The following GLIS3 variants were observed in gnomAD, a reference collection of about 807,000 sequenced individuals.
GLIS3 encodes GLIS family zinc finger 3.
In GLIS3, 53 loss-of-function variants were observed where a neutral mutation model predicts 78.6. The ratio of observed to expected loss-of-function variants is 0.67; its 90% CI spans 0.54 to 0.85. The LOEUF (loss-of-function observed/expected upper bound fraction) is 0.85. GLIS3 is among the 40% of genes least tolerant of loss of function. GLIS3 has a pLI of 0.00. For missense variants in GLIS3, 1,703 were observed against 1,231.1 expected (o/e 1.38, Z -5.74); for synonymous variants, 684 against 509.9 (o/e 1.34, Z -4.60).
intron 2 of GLIS3, among the ~76,000 whole-genome samples, chr9:4,183,007 A>T (rs1817468057): frequency 6.6e-6 from 1 of 152,204 alleles, no homozygotes; most frequent in South Asian, 2.1e-4. Context: ...TCTCAATCGC[A>T]GTGAAGGATG....
chr9:3,891,986 C>T (rs1822486486), intron 7 of GLIS3, among the ~76,000 whole-genome samples: 1 of 152,138 alleles, frequency 6.6e-6, no homozygotes, highest in African/African-American at 2.4e-5. Flanking sequence ...TGCAGCCACT[C>T]ACTCCTAGAA....
intron 2 of GLIS3, among the ~76,000 whole-genome samples, chr9:4,155,067 A>C (rs1266701440): frequency 1.3e-5 from 2 of 152,248 alleles, no homozygotes; most frequent in African/African-American, 2.4e-5. Context: ...TTGCTTACTA[A>C]AATATTAACA....
At chr9:4,123,116 TACAA>T (rs1159861160) in intron 3 of GLIS3, among the ~76,000 whole-genome samples, 1 of 151,730 alleles carries the variant, frequency 6.6e-6, no homozygotes, top group African/African-American at 2.4e-5. Flanking sequence ...AAAGAAAAAA[TACAA>T]ACAGCCAATA....
chr9:4,278,283 C>T lies in GLIS3; in HGVS notation c.388+7755G>A, dbSNP rs187926154. Among the ~76,000 whole-genome samples the T allele has an allele frequency of 1.1e-3, 168 of 152,268 alleles. 1 individual carries two copies. Among genetic ancestry groups the T allele is most frequent in the Non-Finnish European group, 2.0e-3 (136 of 68,026 alleles). On this transcript the variant is annotated intron_variant, in intron 2 of 10. Transcript: ENST00000381971. ...GACATCCCACAGTCAACAAGAACAC[C>T]CTTTCAGCCAGTTTTCCAGATATTC...
the GLIS3 span, among the ~76,000 whole-genome samples, chr9:4,449,811 AG>A: frequency 1.3e-5 from 2 of 152,228 alleles, no homozygotes; most frequent in African/African-American, 4.8e-5. Flanking sequence ...ATCAACAAAA[AG>A]GACATCCACA....
intron 4 of GLIS3, among the ~76,000 whole-genome samples, chr9:4,308,556 A>T (rs978784515): frequency 4.6e-5 from 7 of 152,050 alleles, no homozygotes; most frequent in African/African-American, 1.7e-4. Context: ...AGCCTTGAGG[A>T]TCCAGTCCTA....
intron 2 of GLIS3, among the ~76,000 whole-genome samples, chr9:4,244,300 G>A (rs1486913731): frequency 6.6e-6 from 1 of 152,172 alleles, no homozygotes; most frequent in Non-Finnish European, 1.5e-5. Flanking sequence ...TTTCTAATAT[G>A]TCAGTGTACT....
At chr9:4,450,083 G>A in the GLIS3 span, among the ~76,000 whole-genome samples, 31,634 of 151,986 alleles carry the variant, frequency 0.21, 3,434 homozygotes, top group Middle Eastern at 0.3. Flanking sequence ...CCATCACAAG[G>A]AAGCTAAAAA....
intron 2 of GLIS3, among the ~76,000 whole-genome samples, chr9:4,269,606 G>T (rs1826324459): frequency 6.6e-6 from 1 of 152,098 alleles, no homozygotes; most frequent in Non-Finnish European, 1.5e-5. Context: ...ATCATTATGT[G>T]TTCCAGTGTA....
chr9:4,205,411 C>G lies in GLIS3; in HGVS notation c.389-79470G>C, dbSNP rs535880046. Among the ~76,000 whole-genome samples the G allele has an allele frequency of 2.0e-5, 3 of 152,314 alleles. No individual in the cohort carries two copies. The East Asian group carries it at 5.8e-4, about 29-fold the overall frequency. On this transcript the variant is annotated intron_variant, in intron 2 of 10. Transcript: ENST00000381971. ...AGTTACGAATTGGTTCAGGGATAGG[C>G]AGGACCTGAAGCAGAGACAATGGGA... is the stretch of plus-strand genomic sequence containing the variant.
intron 4 of GLIS3, among the ~76,000 whole-genome samples, chr9:4,006,304 CAAAAA>C (rs71497513): frequency 1.8e-4 from 6 of 32,548 alleles, no homozygotes; most frequent in South Asian, 1.2e-3. Context: ...TCATATGTCT[CAAAAA>C]AAAAAAAAAA....
intron 4 of GLIS3, among the ~76,000 whole-genome samples, chr9:3,963,833 G>A (rs1346474928): frequency 1.3e-5 from 2 of 151,632 alleles, no homozygotes; most frequent in African/African-American, 4.9e-5. Context: ...TAAGCCCTTC[G>A]GAGACAGTGC....
At chr9:3,912,580 A>AT (rs2130689580) in intron 6 of GLIS3, among the ~76,000 whole-genome samples, 1 of 152,296 alleles carries the variant, frequency 6.6e-6, no homozygotes, top group Non-Finnish European at 1.5e-5. Context: ...GCAACTTGTA[A>AT]TTTTTGTATT....
At chr9:3,853,078 G>A (rs1432329939) in intron 9 of GLIS3, among the ~76,000 whole-genome samples, 2 of 152,080 alleles carry the variant, frequency 1.3e-5, no homozygotes, top group Non-Finnish European at 2.9e-5. Flanking sequence ...CAGGTGTGGT[G>A]GTGTGTGCCT....
At chr9:4,228,287 C>A (rs949566617) in intron 2 of GLIS3, among the ~76,000 whole-genome samples, 1 of 150,642 alleles carries the variant, frequency 6.6e-6, no homozygotes, top group Non-Finnish European at 1.5e-5. Context: ...TAAATGCTGA[C>A]GGGACCTCTA....
intron 2 of GLIS3, among the ~76,000 whole-genome samples, chr9:4,161,092 A>AAG (rs1554719882): frequency 4.0e-5 from 6 of 150,646 alleles, no homozygotes; most frequent in Non-Finnish European, 8.9e-5. Context: ...AAAAAAAAAA[A>AAG]AAAGAAAGAA....
In GLIS3 at chr9:4,088,919, T is replaced by C. The variant is rs149232029; in HGVS notation, c.1710+28849A>G. 3.6e-4 allele frequency among the ~76,000 whole-genome samples: 55 copies of C among 152,356 alleles called. 2 individuals carry two copies. Among genetic ancestry groups the C allele is most frequent in the Admixed American group, 3.2e-3 (49 of 15,302 alleles). ...AGGGCTTCACCCCAAAAGGCCTGTC[T>C]TCATTCCTCGAGAAAAAAATGGAAT... On this transcript the variant is annotated intron_variant, in intron 4 of 10. Coordinates refer to ENST00000381971, the MANE Select transcript of GLIS3 (RefSeq NM_001042413.2).
the GLIS3 span, among the ~76,000 whole-genome samples, chr9:4,353,834 C>T: frequency 9.9e-5 from 15 of 152,206 alleles, no homozygotes; most frequent in African/African-American, 3.1e-4. Context: ...TTGTTTCCCA[C>T]AGTCTCCTCT....
chr9:4,069,116 T>C (rs1296778802), intron 4 of GLIS3, among the ~76,000 whole-genome samples: 3 of 152,148 alleles, frequency 2.0e-5, no homozygotes, highest in South Asian at 4.1e-4. Context: ...TTGAGGGCCT[T>C]GGATAAGGCT....
Sources: gnomAD v4.1 joint callset for allele counts (sites outside exome capture counted in the v4.1 genomes callset) on GRCh38, gnomAD v4.1.1 for gene constraint, MANE v1.5 for transcripts, NCBI Gene and HGNC (gene_info 2026-07-23, HGNC 2026-07-21) for gene names.